Variants in CSMD2 observed in about 807,000 individuals in gnomAD.
CSMD2 encodes the protein CUB and Sushi multiple domains 2.
In CSMD2, 130 loss-of-function variants were observed where a neutral mutation model predicts 398.5. The ratio of observed to expected loss-of-function variants is 0.33; its 90% CI spans 0.28 to 0.38. The LOEUF is 0.38. Ranked by LOEUF, CSMD2 falls within the 10% of genes least tolerant of loss-of-function variation. CSMD2 has a pLI of 1.00. For synonymous variants in CSMD2, 1,828 were observed against 1,908.5 expected (o/e 0.96, Z 1.10); for missense variants, 3,829 against 4,764.9 (o/e 0.80, Z 5.78).
At position 34,135,616 on chromosome 1, in the gene CSMD2, C is replaced by CA. The variant is rs55936483; in HGVS notation, c.187+29294dup. ...CTGGCAACAAAGCAAGACTCCATCT[C>CA]AAAAAAAAAAAAAAAAAAAAAAAAA... is the stretch of plus-strand genomic sequence containing the variant. On this transcript the variant is annotated intron_variant, in intron 1 of 70. Transcript: ENST00000373381. Among the ~76,000 whole-genome samples the CA allele has an allele frequency of 1.8e-4, 15 of 82,622 alleles. 3 individuals are homozygous for CA. The highest frequency in any genetic ancestry group is 3.9e-4 in the African/African-American group (8 of 20,362). 54.2% of individuals were successfully genotyped at this position (82,622 alleles called of 152,430 possible).
At chr1:33,981,229 C>T (rs758311994) in intron 3 of CSMD2, among the ~76,000 whole-genome samples, 11 of 152,216 alleles carry the variant, frequency 7.2e-5, no homozygotes, top group Non-Finnish European at 1.2e-4. Context: ...AACATTCCAG[C>T]TATTTGCACT....
rs184145263 is a variant in CSMD2 at position 33,791,633 on chromosome 1, G to A, written c.1550+790C>T. Among the ~76,000 whole-genome samples, 337 of 152,196 alleles carry A rather than the reference G, an allele frequency of 2.2e-3. 4 individuals are homozygous for A. Among genetic ancestry groups the A allele is most frequent in the Non-Finnish European group, 7.5e-4 (51 of 68,004 alleles). The stretch of plus-strand genomic sequence containing the variant: ...CCTGAGTAGCTGGGACTATACAGGC[G>A]TGCACCACCACATCCAGCTAATTTT... On this transcript the variant is annotated intron_variant, in intron 11 of 70. Coordinates refer to ENST00000373381, the MANE Select transcript of CSMD2 (RefSeq NM_001281956.2).
intron 2 of CSMD2, among the ~76,000 whole-genome samples, chr1:34,062,818 T>C (rs561040709): frequency 1.3e-5 from 2 of 152,322 alleles, no homozygotes; most frequent in East Asian, 3.9e-4. Flanking sequence ...TATAGAAACC[T>C]ATGGCCAAAC....
chr1:34,103,509 A>G (rs1360082027), intron 1 of CSMD2, among the ~76,000 whole-genome samples: 1 of 152,042 alleles, frequency 6.6e-6, no homozygotes, highest in Non-Finnish European at 1.5e-5. Flanking sequence ...CGTGTTAGCC[A>G]GGATGGTCTT....
intron 2 of CSMD2, among the ~76,000 whole-genome samples, chr1:34,070,162 T>C (rs1403576796): frequency 1.3e-5 from 2 of 152,234 alleles, no homozygotes; most frequent in Non-Finnish European, 2.9e-5. Flanking sequence ...ATTTGCCACT[T>C]TGAGGCCTTC....
At position 33,935,934 on chromosome 1, in the gene CSMD2, C is replaced by T. The variant is rs1416859782; in HGVS notation, c.538G>A (p.Gly180Arg). The T allele has an allele frequency of 1.9e-6, 3 of 1,611,434 alleles. No homozygotes were observed. The highest frequency in any genetic ancestry group is 3.3e-5 in the Admixed American group (2 of 59,838). Reference sequence around the variant, plus strand: ...CCATTGGGCAGCCTCCCTGGGTTCCCACATGTGTGGCTGGGGAGAACTGTG... The same window carrying T: ...CCATTGGGCAGCCTCCCTGGGTTCCTACATGTGTGGCTGGGGAGAACTGTG... ...TYEVLPSHTC[G>R]NPGRLPNGIQ... The change falls in exon 4 of 71, where the codon GGG becomes AGG. Residue 180 changes from glycine to arginine, a missense_variant. Coordinates refer to ENST00000373381, the MANE Select transcript of CSMD2 (RefSeq NM_001281956.2).
At chr1:33,897,394 T>C (rs1642460529) in intron 5 of CSMD2, among the ~76,000 whole-genome samples, 1 of 152,216 alleles carries the variant, frequency 6.6e-6, no homozygotes, top group Non-Finnish European at 1.5e-5. Flanking sequence ...AATTTCCTCA[T>C]CTGTGGAATC....
chr1:33,701,496 A>G (rs1213333842), intron 22 of CSMD2, among the ~76,000 whole-genome samples: 2 of 152,246 alleles, frequency 1.3e-5, no homozygotes, highest in African/African-American at 4.8e-5. Flanking sequence ...GCTTTTGTAA[A>G]TATCAAAGAT....
intron 37 of CSMD2, among the ~76,000 whole-genome samples, chr1:33,621,620 C>A (rs1292260302): frequency 6.6e-6 from 1 of 152,164 alleles, no homozygotes; most frequent in Non-Finnish European, 1.5e-5. Context: ...TCCCAGTATG[C>A]AAGCAGTTTC....
chr1:34,034,871 G>A (rs927880029), intron 2 of CSMD2, among the ~76,000 whole-genome samples: 2 of 152,270 alleles, frequency 1.3e-5, no homozygotes, highest in Middle Eastern at 3.4e-3. Flanking sequence ...AGGAGGATTC[G>A]TATTTATAAC....
At chr1:34,113,744 A>C (rs570091222) in intron 1 of CSMD2, among the ~76,000 whole-genome samples, 43 of 152,184 alleles carry the variant, frequency 2.8e-4, no homozygotes, top group Non-Finnish European at 5.0e-4. Context: ...AACTCTAGAA[A>C]CCAGTTAAGA....
chr1:34,112,424 A>G (rs1017609627), intron 1 of CSMD2, among the ~76,000 whole-genome samples: 2 of 152,228 alleles, frequency 1.3e-5, no homozygotes, highest in African/African-American at 4.8e-5. Flanking sequence ...TGCAGCAGAC[A>G]GCTCTATCTA....
intron 3 of CSMD2, 38 bp downstream of exon 3, chr1:34,032,556 C>T (rs1570884578): frequency 1.5e-6 from 2 of 1,353,150 alleles, no homozygotes; most frequent in East Asian, 5.1e-5. Context: ...TAGGACATCA[C>T]ATCTCCGGCT....
At chr1:33,525,423 A>G (rs1312731177) in intron 65 of CSMD2, among the ~76,000 whole-genome samples, 1 of 152,238 alleles carries the variant, frequency 6.6e-6, no homozygotes, top group Admixed American at 6.5e-5. Flanking sequence ...ACTGGAGGAC[A>G]TTATGTTAAG....
At chr1:33,909,451 C>T (rs1398819797) in intron 5 of CSMD2, among the ~76,000 whole-genome samples, 1 of 152,112 alleles carries the variant, frequency 6.6e-6, no homozygotes, top group Non-Finnish European at 1.5e-5. Context: ...ATACTTTCTA[C>T]ATTTATGTTT....
At chr1:33,681,487 C>T (rs1197974297) in intron 25 of CSMD2, among the ~76,000 whole-genome samples, 1 of 152,140 alleles carries the variant, frequency 6.6e-6, no homozygotes, top group African/African-American at 2.4e-5. Flanking sequence ...ATGCCCTCTC[C>T]CAACCATCAA....
At chr1:34,103,265 G>C (rs1209134037) in intron 1 of CSMD2, among the ~76,000 whole-genome samples, 1 of 141,230 alleles carries the variant, frequency 7.1e-6, no homozygotes, top group South Asian at 2.3e-4. Context: ...TTATGTGGCT[G>C]TCTCTACCAG....
chr1:33,622,206 T>C lies in CSMD2; in HGVS notation c.5788A>G (p.Ile1930Val), dbSNP rs1479355768. 1 of 1,614,056 alleles carries C rather than the reference T, an allele frequency of 6.2e-7. No individual in the cohort carries two copies. Among genetic ancestry groups the C allele is most frequent in the Non-Finnish European group, 8.5e-7 (1 of 1,180,014 alleles). Residue 1930 changes from isoleucine to valine, a missense_variant, in exon 37 of 71, where the codon ATC becomes GTC. Coordinates refer to ENST00000373381, the MANE Select transcript of CSMD2 (RefSeq NM_001281956.2). Reference sequence around the variant, plus strand: ...TGGAAGCCAGCTGCAGATACGCTGATATCTGAGTAGAAATGAAGGTAGAGC... The same window carrying C: ...TGGAAGCCAGCTGCAGATACGCTGACATCTGAGTAGAAATGAAGGTAGAGC... Reference protein sequence around the residue: ...NQLYLHFYSDISVSAAGFHLE... With the variant: ...NQLYLHFYSDVSVSAAGFHLE...
intron 4 of CSMD2, among the ~76,000 whole-genome samples, chr1:33,930,755 G>T (rs534894215): frequency 6.6e-6 from 1 of 152,126 alleles, no homozygotes; most frequent in South Asian, 2.1e-4. Flanking sequence ...TTTTGAAAAC[G>T]TGCCCAGTGT....
Sources: gnomAD v4.1 joint callset for allele counts (sites outside exome capture counted in the v4.1 genomes callset) on GRCh38, gnomAD v4.1.1 for gene constraint, MANE v1.5 for transcripts, NCBI Gene and HGNC (gene_info 2026-07-23, HGNC 2026-07-21) for gene names.